Variants in NQO1 observed in about 807,000 individuals in gnomAD.
The protein encoded by NQO1 is NAD(P)H dehydrogenase [quinone] 1.
In NQO1, 30 loss-of-function variants were observed where a neutral mutation model predicts 32.1. That is an observed-to-expected ratio of 0.94 (90% CI 0.70 to 1.27). The LOEUF (loss-of-function observed/expected upper bound fraction) is 1.27, where lower values mean the gene tolerates loss of function less well. Among genes scored for constraint, NQO1 ranks in the 50% most tolerant of loss-of-function variants. NQO1 has a pLI of 0.00. For synonymous variants in NQO1, 109 were observed against 119.7 expected (o/e 0.91, Z 0.59); for missense variants, 276 against 331.3 (o/e 0.83, Z 1.30).
intron 4 of NQO1, among the ~76,000 whole-genome samples, chr16:69,713,888 G>GTTTTTTTTGTTTTTTTTTTTTTTTGT: frequency 7.7e-6 from 1 of 130,138 alleles, no homozygotes; most frequent in East Asian, 2.6e-4. Flanking sequence ...TTTTGTTTTT[G>GTTTTTTTTGTTTTTTTTTTTTTTTGT]TTTTTGATAT....
At chr16:69,716,195 C>CATG (rs2038111254) in intron 3 of NQO1, among the ~76,000 whole-genome samples, 1 of 148,082 alleles carries the variant, frequency 6.8e-6, no homozygotes, top group African/African-American at 2.5e-5. Flanking sequence ...TAATAATAAT[C>CATG]ATCATCATCA....
intron 3 of NQO1, 111 bp from the exon 4 acceptor site, chr16:69,715,188 T>A: frequency 1.3e-6 from 1 of 753,818 alleles, no homozygotes; most frequent in Non-Finnish European, 2.4e-6. Flanking sequence ...AAGCCCCTCT[T>A]CACACCTTTC....
chr16:69,725,139 A>G (rs555269214), intron 1 of NQO1, among the ~76,000 whole-genome samples: 4 of 152,186 alleles, frequency 2.6e-5, no homozygotes, highest in African/African-American at 9.6e-5. Flanking sequence ...TCTGCCAGTA[A>G]CTCATGCTGG....
Position 69,718,423 on chromosome 16 carries a change from G to C in NQO1, c.119C>G (p.Ser40Trp), listed in dbSNP as rs200972816. Residue 40 changes from serine to tryptophan, a missense_variant, in exon 2 of 6, where the codon TCG becomes TGG. Coordinates refer to ENST00000320623, the MANE Select transcript of NQO1 (RefSeq NM_000903.3). ...ATTGAAGTTCATGGCATAGAGGTCC[G>C]ACTCCACCACCTCCCATCCTTTCTT... is the stretch of plus-strand genomic sequence containing the variant. ...LKKKGWEVVE[S>W]DLYAMNFNPI... The C allele has an allele frequency of 1.9e-6, 3 of 1,614,158 alleles. No individual in the cohort carries two copies. Among genetic ancestry groups the C allele is most frequent in the Non-Finnish European group, 2.5e-6 (3 of 1,180,030 alleles).
chr16:69,724,531 C>A (rs1206965611), intron 1 of NQO1, among the ~76,000 whole-genome samples: 2 of 150,528 alleles, frequency 1.3e-5, no homozygotes, highest in Non-Finnish European at 3.0e-5. Context: ...GTTTCAAGTT[C>A]TTCTGCTCTG....
chr16:69,722,514 A>G (rs1027627970), intron 1 of NQO1, among the ~76,000 whole-genome samples: 1 of 152,228 alleles, frequency 6.6e-6, no homozygotes, highest in Non-Finnish European at 1.5e-5. Flanking sequence ...TAAAATAACT[A>G]GAAAGGCACA....
intron 3 of NQO1, 109 bp from the exon 4 acceptor site, chr16:69,715,186 C>T: frequency 5.3e-6 from 4 of 759,052 alleles, no homozygotes; most frequent in Non-Finnish European, 9.4e-6. Context: ...GGAAGCCCCT[C>T]TTCACACCTT....
Position 69,710,934 on chromosome 16 carries a change from A to G in NQO1, c.*42T>C, listed in dbSNP as rs973908390. The G allele has an allele frequency of 2.6e-6, 4 of 1,564,284 alleles. No homozygotes were observed. The highest frequency in any genetic ancestry group is 3.5e-6 in the Non-Finnish European group (4 of 1,154,826). ...GTCAGGGAAGCCTGGAAAGATACCC[A>G]GATTTGATAACATGTTAGAAGGAAA... On this transcript the variant is annotated 3_prime_UTR_variant, in exon 6 of 6. Coordinates refer to ENST00000320623, the MANE Select transcript of NQO1 (RefSeq NM_000903.3).
chr16:69,726,358 GCCCCTA>G (rs956550087), intron 1 of NQO1, 69 bp downstream of exon 1: 1 of 1,582,816 alleles, frequency 6.3e-7, no homozygotes, highest in African/African-American at 1.4e-5. Context: ...TCAGGGCCAA[GCCCCTA>G]CAACCTCCTC....
intron 1 of NQO1, among the ~76,000 whole-genome samples, chr16:69,725,731 G>A (rs1490686553): frequency 1.3e-5 from 2 of 152,150 alleles, no homozygotes; most frequent in African/African-American, 4.8e-5. Context: ...AAAATTAGCC[G>A]CGCATGATGG....
intron 3 of NQO1, chr16:69,717,916 G>A (rs746020882): frequency 8.6e-5 from 65 of 754,164 alleles, no homozygotes; most frequent in Non-Finnish European, 1.2e-4. Flanking sequence ...TGGCCTTGCA[G>A]TTGCATTTAC....
chr16:69,717,106 A>G (rs1320075956), intron 3 of NQO1, among the ~76,000 whole-genome samples: 1 of 137,078 alleles, frequency 7.3e-6, no homozygotes, highest in Non-Finnish European at 1.5e-5. Context: ...AGAGAGAGAG[A>G]AAAAAAAAAC....
intron 1 of NQO1, among the ~76,000 whole-genome samples, chr16:69,721,308 G>T (rs539551508): frequency 6.6e-6 from 1 of 152,172 alleles, no homozygotes. Context: ...GTGATTAGGC[G>T]AGGGGGTCTC....
rs972617006 is a variant in NQO1, at chr16:69,715,693, G to A, written c.304-616C>T. On this transcript the variant is annotated intron_variant, in intron 3 of 5. Coordinates refer to ENST00000320623, the MANE Select transcript of NQO1 (RefSeq NM_000903.3). The stretch of plus-strand genomic sequence containing the variant: ...TGAGGCAGGAGAATCACTTGAACCC[G>A]GGAGGTGGAGGTTACAGTGAGCCGA... Among the ~76,000 whole-genome samples the A allele has an allele frequency of 1.1e-4, 16 of 152,278 alleles. No individual in the cohort carries two copies. In the East Asian group the frequency reaches 1.7e-3, roughly 17 times the overall value.
At position 69,709,659 on chromosome 16, in the gene NQO1, T is replaced by C. The variant is rs79167227; in HGVS notation, c.*1317A>G. Reference sequence around the variant, plus strand: ...CATTTTTCAGGCAACCTTTTCATCATTTCTCATCTCTTCTTTCAATGCACC... The same window carrying C: ...CATTTTTCAGGCAACCTTTTCATCACTTCTCATCTCTTCTTTCAATGCACC... On this transcript the variant is annotated 3_prime_UTR_variant, in exon 6 of 6. Coordinates refer to ENST00000320623, the MANE Select transcript of NQO1 (RefSeq NM_000903.3). 928 of 396,460 alleles carry C rather than the reference T, an allele frequency of 2.3e-3. 11 individuals are homozygous for C. Among genetic ancestry groups the C allele is most frequent in the African/African-American group, 0.017 (842 of 48,684 alleles). The allele number at this position is 396,460 out of a possible 1,614,324, so 24.6% of individuals were successfully genotyped here.
rs188045189 is a variant in NQO1 at position 69,712,743 on chromosome 16, G to C, written c.519+285C>G. On this transcript the variant is annotated intron_variant, in intron 5 of 5. Coordinates refer to ENST00000320623, the MANE Select transcript of NQO1 (RefSeq NM_000903.3). ...TACCTGGCCAGGTGCAGTGGCTCAC[G>C]CCTGTAATCACAGCACTTTGGGAGG... is the stretch of plus-strand genomic sequence containing the variant. Among the ~76,000 whole-genome samples the C allele has an allele frequency of 2.2e-3, 339 of 152,284 alleles. 2 individuals carry two copies. Among genetic ancestry groups the C allele is most frequent in the South Asian group, 5.8e-3 (28 of 4,824 alleles).
chr16:69,711,424 C>A, intron 5 of NQO1, 143 bp from the exon 6 acceptor site: 1 of 686,916 alleles, frequency 1.5e-6, no homozygotes. Context: ...TCAGAGCTAG[C>A]GTCTCTCTCT....
rs1029816545 is a variant in NQO1 at position 69,726,516 on chromosome 16, G to A, written c.-77C>T. The A allele has an allele frequency of 4.9e-5, 77 of 1,580,690 alleles. 3 individuals carry two copies. Among genetic ancestry groups the A allele is most frequent in the East Asian group, 1.3e-4 (6 of 44,610 alleles). On this transcript the variant is annotated 5_prime_UTR_variant, in exon 1 of 6. Coordinates refer to ENST00000320623, the MANE Select transcript of NQO1 (RefSeq NM_000903.3). ...CGACCCTGGCCGGAACTAGGCTCTC[G>A]GTGAGCTGGGCGGCTCCGGCTGCAA...
intron 5 of NQO1, among the ~76,000 whole-genome samples, chr16:69,711,507 C>G (rs1485887956): frequency 6.6e-6 from 1 of 152,176 alleles, no homozygotes; most frequent in Admixed American, 6.5e-5. Flanking sequence ...AACCTTGAAA[C>G]TGTGCCAACC....
Sources: allele counts gnomAD v4.1 joint callset (sites outside exome capture counted in the v4.1 genomes callset), GRCh38; gene constraint gnomAD v4.1.1; transcripts MANE v1.5; gene names NCBI Gene and HGNC (gene_info 2026-07-23, HGNC 2026-07-21).